C5orf34: variants seen among roughly 807,000 people sequenced by gnomAD.
C5orf34 encodes the protein uncharacterized protein C5orf34.
In C5orf34, 73 loss-of-function variants were observed where a neutral mutation model predicts 78.4. The ratio of observed to expected loss-of-function variants is 0.93; its 90% CI spans 0.77 to 1.13. C5orf34 has a LOEUF of 1.13. Among genes scored for constraint, C5orf34 ranks in the 50% most tolerant of loss-of-function variants. The pLI is 0.00. For synonymous variants in C5orf34, 251 were observed against 246.6 expected (o/e 1.02, Z -0.17); for missense variants, 730 against 732.7 (o/e 1.00, Z 0.04).
chr5:43,486,956 G>T lies in C5orf34; in HGVS notation c.1876C>A (p.Leu626Ile). Residue 626 changes from leucine (L) to isoleucine (I), a missense_variant, in exon 13 of 13, where the codon CTT becomes ATT. Physicochemically the swap from Leu to Ile is conservative, Grantham distance 5. Coordinates refer to ENST00000306862, the MANE Select transcript of C5orf34 (RefSeq NM_198566.4). ...SIALKKTSEI[L>I]HDIDCLLSNS... ...GATAGAAGACAGTCAATATCGTGAA[G>T]GATTTCAGAGGTTTTTTTCAATGCT... The T allele has an allele frequency of 6.4e-7, 1 of 1,557,604 alleles. No individual in the cohort carries two copies.
Position 43,502,432 on chromosome 5 carries a change from T to C in C5orf34, c.1092A>G (p.Ser364=). The change falls in exon 6 of 13, where the codon TCA becomes TCG. Residue 364 remains serine (S), a synonymous_variant. Coordinates refer to ENST00000306862, the MANE Select transcript of C5orf34 (RefSeq NM_198566.4). ...IYSGDGSVFK[S]EGAYFGNYFT... ...AATAGTTCCCAAAATAAGCCCCTTC[T>C]GATTTGAAAACAGATCCATCCCCAG... 1 of 1,603,540 alleles carries C rather than the reference T, an allele frequency of 6.2e-7. No homozygotes were observed. Among genetic ancestry groups the C allele is most frequent in the South Asian group, 1.1e-5 (1 of 90,610 alleles).
chr5:43,486,744 C>A lies in C5orf34; in HGVS notation c.*171G>T. 5.3e-6 allele frequency: 2 copies of A among 379,522 alleles called. No individual in the cohort carries two copies. Among genetic ancestry groups the A allele is most frequent in the South Asian group, 1.3e-4 (1 of 7,786 alleles). 23.5% of individuals were successfully genotyped at this position (379,522 alleles called of 1,614,324 possible). On this transcript the variant is annotated 3_prime_UTR_variant, in exon 13 of 13. Coordinates refer to ENST00000306862, the MANE Select transcript of C5orf34 (RefSeq NM_198566.4). ...AATATTTATTATTAAGATATAAATACATATTTTAAAAATGTACAAGTTAAA... is the reference window on the plus strand; with the variant it reads ...AATATTTATTATTAAGATATAAATAAATATTTTAAAAATGTACAAGTTAAA...
chr5:43,495,453 C>A, intron 6 of C5orf34: 1 of 1,610,582 alleles, frequency 6.2e-7, no homozygotes, highest in Non-Finnish European at 8.5e-7. Context: ...TCAGCTGTTT[C>A]CATTGGTGGG....
At chr5:43,491,786 C>A (rs1164873719) in intron 10 of C5orf34, among the ~76,000 whole-genome samples, 4 of 151,850 alleles carry the variant, frequency 2.6e-5, no homozygotes, top group African/African-American at 9.7e-5. Flanking sequence ...GGCAGATCAC[C>A]TGAGGTCGGG....
chr5:43,497,189 T>C (rs1745569113), intron 6 of C5orf34, among the ~76,000 whole-genome samples: 1 of 152,192 alleles, frequency 6.6e-6, no homozygotes, highest in Non-Finnish European at 1.5e-5. Flanking sequence ...TCAGACTTGC[T>C]AGTGTTTCCC....
In C5orf34 at chr5:43,508,666, C is replaced by T. The variant is rs1362695678; in HGVS notation, c.196G>A (p.Glu66Lys). Reference protein sequence around the residue: ...RTHFVISTYREQLQRALDFRN... With the variant: ...RTHFVISTYRKQLQRALDFRN... ...AAATCTAGGGCTCGCTGTAGTTGCTCCTATGAAAAGAAATATAAAATGTAA... is the reference window on the plus strand; with the variant it reads ...AAATCTAGGGCTCGCTGTAGTTGCTTCTATGAAAAGAAATATAAAATGTAA... The change falls in exon 3 of 13, where the codon GAG becomes AAG. Residue 66 changes from glutamate (E) to lysine (K), a missense_variant and splice_region_variant. Coordinates refer to ENST00000306862, the MANE Select transcript of C5orf34 (RefSeq NM_198566.4). 6.4e-7 allele frequency: 1 copy of T among 1,571,724 alleles called. No individual in the cohort carries two copies. The highest frequency in any genetic ancestry group is 1.4e-5 in the African/African-American group (1 of 73,862).
At chr5:43,490,080 C>T (rs1244282551) in intron 11 of C5orf34, among the ~76,000 whole-genome samples, 1 of 152,030 alleles carries the variant, frequency 6.6e-6, no homozygotes, top group Admixed American at 6.6e-5. Flanking sequence ...TTACTTCTGC[C>T]CTTATTTCCT....
intron 1 of C5orf34, among the ~76,000 whole-genome samples, chr5:43,511,838 G>A (rs547808172): frequency 2.6e-4 from 40 of 152,168 alleles, no homozygotes; most frequent in Middle Eastern, 3.4e-3. Flanking sequence ...CAGCATGCTC[G>A]TTAAGAGTCA....
At chr5:43,509,722 G>A (rs1467373623) in intron 1 of C5orf34, among the ~76,000 whole-genome samples, 1 of 152,042 alleles carries the variant, frequency 6.6e-6, no homozygotes, top group Non-Finnish European at 1.5e-5. Flanking sequence ...TCCAATGCAG[G>A]AACATAACCA....
rs772822653 is a variant in C5orf34, at chr5:43,509,351, G to A, written c.-12C>T. ...AGTTCAGCTGCCATTACAACGGCAG[G>A]ATAAGATATCTTCTAAGTCAAAGAC... On this transcript the variant is annotated 5_prime_UTR_variant, in exon 2 of 13. Transcript: ENST00000306862. 5.5e-6 allele frequency: 8 copies of A among 1,450,476 alleles called. No homozygotes were observed. Among genetic ancestry groups the A allele is most frequent in the Non-Finnish European group, 7.3e-6 (8 of 1,102,902 alleles). The allele number at this position is 1,450,476 out of a possible 1,614,324, so 89.9% of individuals were successfully genotyped here.
Position 43,506,243 on chromosome 5 carries a change from T to A in C5orf34, c.437A>T (p.His146Leu), listed in dbSNP as rs748078749. Reference sequence around the variant, plus strand: ...CTTCTGGCTAACTTTACACAAAAAATGTACTGTAAATTCATGCTGAGATCT... The same window carrying A: ...CTTCTGGCTAACTTTACACAAAAAAAGTACTGTAAATTCATGCTGAGATCT... ...LPRSQHEFTV[H>L]FLCKVSQKSD... Residue 146 changes from histidine (H) to leucine (L), a missense_variant, in exon 4 of 13, where the codon CAT becomes CTT. By Grantham distance (99) the His-to-Leu change is moderately conservative. Transcript: ENST00000306862. 6.2e-7 allele frequency: 1 copy of A among 1,614,208 alleles called. No homozygotes were observed. Among genetic ancestry groups the A allele is most frequent in the African/African-American group, 1.3e-5 (1 of 75,046 alleles).
chr5:43,509,209 G>A lies in C5orf34; in HGVS notation c.131C>T (p.Ala44Val). 6.2e-7 allele frequency: 1 copy of A among 1,614,162 alleles called. No individual in the cohort carries two copies. The highest frequency in any genetic ancestry group is 8.5e-7 in the Non-Finnish European group (1 of 1,180,012). ...FLFEKSPPVS[A>V]HPLEQPERIR... ...TCTTTCTGGTTGTTCTAAAGGATGT[G>A]CTGAAACAGGTGGTGACTTTTCAAA... The change falls in exon 2 of 13, where the codon GCA (alanine) becomes GTA (valine). Residue 44 changes from alanine to valine, a missense_variant. Ala to Val is a moderately conservative substitution (Grantham distance 64). Coordinates refer to ENST00000306862, the MANE Select transcript of C5orf34 (RefSeq NM_198566.4).
Position 43,508,566 on chromosome 5 carries a change from A to T in C5orf34, c.285+11T>A, listed in dbSNP as rs948656848. Reference sequence around the variant, plus strand: ...AAATAATACTAACAAAAATGAAGTTAAAAAAATCACCTTTTTTCTTTCAGA... The same window carrying T: ...AAATAATACTAACAAAAATGAAGTTTAAAAAATCACCTTTTTTCTTTCAGA... On this transcript the variant is annotated intron_variant, in intron 3 of 12. Transcript: ENST00000306862. The T allele has an allele frequency of 3.3e-6, 5 of 1,505,966 alleles. No homozygotes were observed. The African/African-American group carries it at 5.6e-5, about 17-fold the overall frequency. The allele number at this position is 1,505,966 out of a possible 1,614,324, so 93.3% of individuals were successfully genotyped here. A position where few individuals can be genotyped will look rare whatever the true frequency, so the allele number is the denominator to read the frequency against.
chr5:43,489,201 A>G (rs1745176946), intron 11 of C5orf34, among the ~76,000 whole-genome samples: 1 of 151,972 alleles, frequency 6.6e-6, no homozygotes, highest in Admixed American at 6.5e-5. Flanking sequence ...GAAACGTACT[A>G]TTTGTTGACT....
chr5:43,496,581 A>AT, intron 6 of C5orf34: 4 of 608,938 alleles, frequency 6.6e-6, no homozygotes, highest in Non-Finnish European at 9.4e-6. Context: ...AGTTTTTTTT[A>AT]ATTTTTTTTT....
chr5:43,497,676 A>G (rs1204856523), intron 6 of C5orf34, among the ~76,000 whole-genome samples: 2 of 152,204 alleles, frequency 1.3e-5, no homozygotes, highest in African/African-American at 4.8e-5. Flanking sequence ...TTAATGATAT[A>G]ATATACATAT....
intron 12 of C5orf34, 104 bp downstream of exon 12, chr5:43,487,805 T>TA: frequency 2.5e-6 from 2 of 815,728 alleles, no homozygotes. Context: ...AGGTTAGCAA[T>TA]ATATTAAGTA....
At chr5:43,498,444 A>C (rs765546065) in intron 6 of C5orf34, among the ~76,000 whole-genome samples, 1 of 152,200 alleles carries the variant, frequency 6.6e-6, no homozygotes, top group Non-Finnish European at 1.5e-5. Context: ...AATAATCTCA[A>C]ATCCTTAATT....
Position 43,502,551 on chromosome 5 carries a change from A to T in C5orf34, c.1029-56T>A, listed in dbSNP as rs1420335221. On this transcript the variant is annotated intron_variant, in intron 5 of 12. Coordinates refer to ENST00000306862, the MANE Select transcript of C5orf34 (RefSeq NM_198566.4). ...TTTTCCACTTGAGATTAAAACATGC[A>T]TGAAGATAGTCATCAAAAAACAGTA... is the stretch of plus-strand genomic sequence containing the variant. The T allele has an allele frequency of 7.9e-6, 8 of 1,010,012 alleles. No individual in the cohort carries two copies. The East Asian group carries it at 1.9e-4, about 24-fold the overall frequency. 62.6% of individuals were successfully genotyped at this position (1,010,012 alleles called of 1,614,324 possible).
Sources: gnomAD v4.1 joint callset for allele counts (sites outside exome capture counted in the v4.1 genomes callset) on GRCh38, gnomAD v4.1.1 for gene constraint, MANE v1.5 for transcripts, NCBI Gene and HGNC (gene_info 2026-07-23, HGNC 2026-07-21) for gene names.